Variants in MCF2L2 observed in about 807,000 individuals in gnomAD.
MCF2L2 encodes the protein MCF.2 cell line derived transforming sequence-like 2.
MCF2L2 carries 102 observed loss-of-function variants against 150.2 expected under a neutral mutation model. That is an observed-to-expected ratio of 0.68 (90% CI 0.58 to 0.80). The LOEUF (loss-of-function observed/expected upper bound fraction) is 0.80. MCF2L2 is among the 30% of genes least tolerant of loss of function. MCF2L2 has a pLI of 0.00. For synonymous variants in MCF2L2, 465 were observed against 491.3 expected (o/e 0.95, Z 0.71); for missense variants, 1,256 against 1,372.8 (o/e 0.91, Z 1.34).
At chr3:183,269,629 A>T in intron 15 of MCF2L2, 1 of 611,152 alleles carries the variant, frequency 1.6e-6, no homozygotes. Flanking sequence ...CCGCAATCTC[A>T]GAAAAATGGG....
At chr3:183,252,726 C>T (rs1406540962) in intron 15 of MCF2L2, among the ~76,000 whole-genome samples, 1 of 152,212 alleles carries the variant, frequency 6.6e-6, no homozygotes, top group Non-Finnish European at 1.5e-5. Flanking sequence ...TTACGACAAA[C>T]TCAAAGCTTT....
At chr3:183,228,876 C>T (rs1017675104) in intron 17 of MCF2L2, among the ~76,000 whole-genome samples, 2 of 152,130 alleles carry the variant, frequency 1.3e-5, no homozygotes, top group Admixed American at 6.6e-5. Flanking sequence ...CTAAGTGCTC[C>T]GCAAATAGTA....
Position 183,270,826 on chromosome 3 carries a change from C to A in MCF2L2, c.1862+6046G>T, listed in dbSNP as rs1726703140. 1 of 1,613,658 alleles carries A rather than the reference C, an allele frequency of 6.2e-7. No individual in the cohort carries two copies. Among genetic ancestry groups the A allele is most frequent in the South Asian group, 1.1e-5 (1 of 91,030 alleles). On this transcript the variant is annotated intron_variant, in intron 15 of 29. Transcript: ENST00000328913. This position sits in a 1 kb window ranked among gnomAD's most constrained non-coding sequence, Gnocchi z 4.5. ...AATGCTACAGATCCTAAAGTAAAAA[C>A]CATTTCCAAAGGTTTTTTTGGTCAA... is the stretch of plus-strand genomic sequence containing the variant.
chr3:183,224,007 A>G (rs1723254474), intron 19 of MCF2L2, 91 bp downstream of exon 19: 1 of 919,710 alleles, frequency 1.1e-6, no homozygotes, highest in Non-Finnish European at 1.8e-6. Context: ...TCGCAATGCC[A>G]AGTTCCTCTC....
rs1417945976 is a variant in MCF2L2, at chr3:183,295,354, G to T, written c.1621C>A (p.Pro541Thr). Residue 541 changes from proline to threonine, a missense_variant, in exon 13 of 30, where the codon CCT becomes ACT. By Grantham distance (38) the Pro-to-Thr change is conservative (BLOSUM62 -1). Coordinates refer to ENST00000328913, the MANE Select transcript of MCF2L2 (RefSeq NM_015078.4). ...TRPVQPVAPH[P>T]ESSPKWVSSK... The stretch of plus-strand genomic sequence containing the variant: ...GACACCCATTTTGGTGAAGACTCAG[G>T]ATGTGGGGCCACAGGTTGCACTGGA... 6 of 1,613,698 alleles carry T rather than the reference G, an allele frequency of 3.7e-6. No homozygotes were observed. The highest frequency in any genetic ancestry group is 5.1e-6 in the Non-Finnish European group (6 of 1,179,828).
rs1716279896 is a variant in MCF2L2 at position 183,428,350 on chromosome 3, G to T, written c.-373C>A. On this transcript the variant is annotated 5_prime_UTR_variant, in exon 1 of 30. In the 5' UTR this introduces an upstream ATG that the reference lacks. Transcript: ENST00000328913. The surrounding 1 kb of genome is among the most constrained non-coding windows in gnomAD (Gnocchi z 5.1). ...CGCCAGGTTTCCGGCGCCGCCTCCA[G>T]GGACTGTAGAGTGAGGGATGCTCCG... is the stretch of plus-strand genomic sequence containing the variant. 3.7e-5 allele frequency: 10 copies of T among 270,804 alleles called. No individual in the cohort carries two copies. In the South Asian group the frequency reaches 4.0e-4, roughly 11 times the overall value. The allele number at this position is 270,804 out of a possible 1,614,324, so 16.8% of individuals were successfully genotyped here. A position where few individuals can be genotyped will look rare whatever the true frequency, so the allele number is the denominator to read the frequency against.
At chr3:183,229,571 A>T (rs1723470962) in intron 17 of MCF2L2, 95 bp downstream of exon 17, 8 of 636,248 alleles carry the variant, frequency 1.3e-5, no homozygotes, top group Non-Finnish European at 1.6e-5. Flanking sequence ...TTAAACCTGA[A>T]AACATCTAAG....
At chr3:183,408,404 C>G (rs777134714) in intron 1 of MCF2L2, among the ~76,000 whole-genome samples, 10 of 152,230 alleles carry the variant, frequency 6.6e-5, no homozygotes, top group Non-Finnish European at 1.3e-4. Flanking sequence ...CTTCATTCCT[C>G]CTGGCCCCCA....
chr3:183,427,752 G>T, intron 1 of MCF2L2, 150 bp downstream of exon 1: 1 of 696,648 alleles, frequency 1.4e-6, no homozygotes. Flanking sequence ...ACCGCAGGCA[G>T]GACCCAGAGC....
chr3:183,407,871 T>C lies in MCF2L2; in HGVS notation c.77-18092A>G, dbSNP rs144427114. ...CAAGAGTTCATAAGGCCTGTCATTCTAGTCTAGGTCCTGCACCAAACCCTC... is the reference window on the plus strand; with the variant it reads ...CAAGAGTTCATAAGGCCTGTCATTCCAGTCTAGGTCCTGCACCAAACCCTC... On this transcript the variant is annotated intron_variant, in intron 1 of 29. Coordinates refer to ENST00000328913, the MANE Select transcript of MCF2L2 (RefSeq NM_015078.4). Among the ~76,000 whole-genome samples, 798 of 152,304 alleles carry C rather than the reference T, an allele frequency of 5.2e-3. 21 individuals are homozygous for C. Among genetic ancestry groups the C allele is most frequent in the Admixed American group, 0.042 (643 of 15,292 alleles).
At chr3:183,264,371 G>A (rs1488691002) in intron 15 of MCF2L2, among the ~76,000 whole-genome samples, 1 of 152,192 alleles carries the variant, frequency 6.6e-6, no homozygotes, top group Non-Finnish European at 1.5e-5. Flanking sequence ...TTGTGCCTGG[G>A]GTTGGTGTCA....
intron 1 of MCF2L2, chr3:183,400,493 T>G (rs1299259838): frequency 2.2e-6 from 1 of 456,384 alleles, no homozygotes; most frequent in Non-Finnish European, 4.4e-6. Context: ...AGACCACGAC[T>G]GGATTCCAGG....
chr3:183,395,947 G>C (rs866514482), intron 1 of MCF2L2, among the ~76,000 whole-genome samples: 1 of 142,552 alleles, frequency 7.0e-6, no homozygotes, highest in South Asian at 2.3e-4. Flanking sequence ...AAGAAAGAAA[G>C]AAAGAAAGAA....
intron 7 of MCF2L2, 45 bp from the exon 8 acceptor site, chr3:183,311,817 A>C (rs1729392401): frequency 1.3e-6 from 2 of 1,575,312 alleles, no homozygotes; most frequent in Admixed American, 1.8e-5. Flanking sequence ...TAGAAAAAAC[A>C]AATTCTTGGT....
chr3:183,274,590 G>C (rs1371856732), intron 15 of MCF2L2, among the ~76,000 whole-genome samples: 3 of 152,178 alleles, frequency 2.0e-5, no homozygotes, highest in Non-Finnish European at 4.4e-5. Context: ...CTTTTTACTT[G>C]CAAGTCGTGG....
At chr3:183,307,166 G>A (rs1273352459) in intron 10 of MCF2L2, among the ~76,000 whole-genome samples, 2 of 152,226 alleles carry the variant, frequency 1.3e-5, no homozygotes, top group East Asian at 3.8e-4. Context: ...CAACACCCCA[G>A]AGCCAGCGTG....
intron 25 of MCF2L2, among the ~76,000 whole-genome samples, chr3:183,202,329 G>A (rs1269877324): frequency 6.6e-6 from 1 of 152,134 alleles, no homozygotes; most frequent in African/African-American, 2.4e-5. Flanking sequence ...GGCAAACATG[G>A]GCTAATCAGA....
intron 1 of MCF2L2, among the ~76,000 whole-genome samples, chr3:183,419,536 T>G (rs535006773): frequency 3.8e-4 from 58 of 152,348 alleles, no homozygotes; most frequent in Middle Eastern, 3.4e-3. Flanking sequence ...AAACCATCTC[T>G]TTGTGAATGC....
At chr3:183,358,615 C>T (rs1338546862) in intron 3 of MCF2L2, among the ~76,000 whole-genome samples, 7 of 152,042 alleles carry the variant, frequency 4.6e-5, no homozygotes, top group African/African-American at 1.4e-4. Flanking sequence ...AGGTTGGTTA[C>T]GGAAAATTTT....
Sources: gnomAD v4.1 joint callset for allele counts (sites outside exome capture counted in the v4.1 genomes callset) on GRCh38, gnomAD v4.1.1 for gene constraint, Gnocchi (gnomAD v3.1) non-coding constraint, MANE v1.5 for transcripts, NCBI Gene and HGNC (gene_info 2026-07-23, HGNC 2026-07-21) for gene names.